Variants in PID1 observed in about 807,000 individuals in gnomAD.
PID1 encodes PTB-containing, cubilin and LRP1-interacting protein.
PID1 carries 10 observed loss-of-function variants against 19.1 expected under a neutral mutation model. That is an observed-to-expected ratio of 0.52 (90% CI 0.32 to 0.89). PID1 has a LOEUF of 0.89. Among genes scored for constraint, PID1 ranks in the 40% least tolerant of loss-of-function variants. The pLI is 0.03. For missense variants in PID1, 248 were observed against 285.3 expected (o/e 0.87, Z 0.94); for synonymous variants, 130 against 116.0 (o/e 1.12, Z -0.78).
At chr2:229,100,674 C>T (rs909841569) in intron 2 of PID1, among the ~76,000 whole-genome samples, 1 of 152,182 alleles carries the variant, frequency 6.6e-6, no homozygotes, top group Admixed American at 6.5e-5. Context: ...TCCAAGGTCC[C>T]TTGACTCCCC....
At chr2:229,242,127 C>T (rs1689886333) in intron 1 of PID1, among the ~76,000 whole-genome samples, 1 of 152,132 alleles carries the variant, frequency 6.6e-6, no homozygotes, top group African/African-American at 2.4e-5. Context: ...TGGCCTTGGC[C>T]TTCCAAGTAG....
At chr2:229,169,091 G>A (rs1376519551) in intron 1 of PID1, among the ~76,000 whole-genome samples, 1 of 152,148 alleles carries the variant, frequency 6.6e-6, no homozygotes, top group Non-Finnish European at 1.5e-5. Flanking sequence ...ATACTAGCCT[G>A]TGAGTTAGTA....
chr2:229,132,750 C>A (rs1305302386), intron 2 of PID1, among the ~76,000 whole-genome samples: 1 of 152,150 alleles, frequency 6.6e-6, no homozygotes, highest in Non-Finnish European at 1.5e-5. Flanking sequence ...CCACCCAATT[C>A]AATATGTAAT....
At chr2:229,227,895 A>G (rs1397137924) in intron 1 of PID1, 1 of 446,384 alleles carries the variant, frequency 2.2e-6, no homozygotes, top group African/African-American at 2.0e-5. Context: ...TAATCTAGAG[A>G]TGATGGAAAA....
intron 2 of PID1, among the ~76,000 whole-genome samples, chr2:229,049,650 C>T (rs577607487): frequency 9.3e-5 from 14 of 150,806 alleles, no homozygotes; most frequent in South Asian, 2.1e-4. Flanking sequence ...ATATAAGAGA[C>T]ATGTTCTCAT....
intron 1 of PID1, among the ~76,000 whole-genome samples, chr2:229,216,179 G>T (rs561721645): frequency 6.6e-6 from 1 of 152,352 alleles, no homozygotes; most frequent in South Asian, 2.1e-4. Flanking sequence ...GGCAGCAGAA[G>T]AATGAACTAC....
At chr2:229,098,414 A>G (rs1695012669) in intron 2 of PID1, among the ~76,000 whole-genome samples, 1 of 152,234 alleles carries the variant, frequency 6.6e-6, no homozygotes, top group Non-Finnish European at 1.5e-5. Flanking sequence ...AGGACTTCTC[A>G]GAGCCTTGAA....
chr2:229,187,028 A>G (rs938573268), intron 1 of PID1, among the ~76,000 whole-genome samples: 1 of 152,154 alleles, frequency 6.6e-6, no homozygotes, highest in African/African-American at 2.4e-5. Context: ...TAGTCTCTTT[A>G]CTAAAACATA....
chr2:229,033,059 T>C (rs1693588892), intron 2 of PID1, among the ~76,000 whole-genome samples: 1 of 152,170 alleles, frequency 6.6e-6, no homozygotes, highest in South Asian at 2.1e-4. Flanking sequence ...ACAAACTTGG[T>C]TGCCCGACAT....
intron 1 of PID1, among the ~76,000 whole-genome samples, chr2:229,220,827 T>C (rs866509687): frequency 2.0e-5 from 3 of 152,174 alleles, no homozygotes; most frequent in Admixed American, 6.5e-5. Flanking sequence ...GAAAGCTATT[T>C]AGCTTAAAAC....
At chr2:229,192,957 CT>C (rs1691294335) in intron 1 of PID1, among the ~76,000 whole-genome samples, 2 of 152,144 alleles carry the variant, frequency 1.3e-5, no homozygotes, top group South Asian at 2.1e-4. Flanking sequence ...CTTTAATGTG[CT>C]GTTTCAGTCA....
intron 1 of PID1, among the ~76,000 whole-genome samples, chr2:229,267,766 C>A (rs2106296882): frequency 6.6e-6 from 1 of 152,248 alleles, no homozygotes; most frequent in South Asian, 2.1e-4. Context: ...TCCAGAAACT[C>A]ATACAAATTT....
At chr2:229,039,174 C>T (rs1205432741) in intron 2 of PID1, among the ~76,000 whole-genome samples, 1 of 152,106 alleles carries the variant, frequency 6.6e-6, no homozygotes, top group Non-Finnish European at 1.5e-5. Context: ...CTTGTGCTTT[C>T]TAATTATTTG....
intron 1 of PID1, among the ~76,000 whole-genome samples, chr2:229,156,656 C>T (rs1263614282): frequency 6.6e-6 from 1 of 152,186 alleles, no homozygotes; most frequent in Non-Finnish European, 1.5e-5. Flanking sequence ...TCACTTCCAA[C>T]TTTGTCCCTA....
intron 2 of PID1, among the ~76,000 whole-genome samples, chr2:229,037,672 T>C (rs1693692218): frequency 1.3e-5 from 2 of 152,200 alleles, no homozygotes; most frequent in South Asian, 4.1e-4. Flanking sequence ...TCCCCTCATG[T>C]GGCCCCTTCT....
intron 2 of PID1, among the ~76,000 whole-genome samples, chr2:229,106,028 G>A (rs1695170388): frequency 6.9e-6 from 1 of 144,938 alleles, no homozygotes; most frequent in Non-Finnish European, 1.5e-5. Context: ...GCAGTGAGCT[G>A]AGATTGCGCC....
chr2:229,163,674 T>TGTGTGTGCGCGCGC (rs374622113), intron 1 of PID1, among the ~76,000 whole-genome samples: 11 of 94,488 alleles, frequency 1.2e-4, no homozygotes, highest in African/African-American at 3.4e-4. Flanking sequence ...TGTGTGTGTG[T>TGTGTGTGCGCGCGC]GCGTGTGCGT....
intron 2 of PID1, among the ~76,000 whole-genome samples, chr2:229,097,815 C>A (rs578211758): frequency 6.6e-6 from 1 of 152,190 alleles, no homozygotes; most frequent in East Asian, 1.9e-4. Flanking sequence ...GCACTGAAGC[C>A]ACAATACTCT....
At chr2:229,146,828 C>A (rs761080186) in intron 2 of PID1, among the ~76,000 whole-genome samples, 26 of 152,040 alleles carry the variant, frequency 1.7e-4, no homozygotes, top group Non-Finnish European at 3.5e-4. Context: ...GGCAATGTGA[C>A]CACCATGCAG....
Sources: gnomAD v4.1 joint callset for allele counts (sites outside exome capture counted in the v4.1 genomes callset) on GRCh38, gnomAD v4.1.1 for gene constraint, MANE v1.5 for transcripts, NCBI Gene and HGNC (gene_info 2026-07-23, HGNC 2026-07-21) for gene names.